The following ZNF727 variants were observed in gnomAD, a reference collection of about 807,000 sequenced individuals.
The protein encoded by ZNF727 is putative zinc finger protein 727.
Under a neutral mutation model 11.5 loss-of-function variants are expected in ZNF727, and 11 were observed. That is an observed-to-expected ratio of 0.95 (90% confidence interval 0.60 to 1.58). ZNF727 has a LOEUF of 1.58. ZNF727 is among the 40% of genes most tolerant of loss of function. ZNF727 has a pLI of 0.00. For missense variants in ZNF727, 533 were observed against 581.7 expected, an observed-to-expected ratio of 0.92 and a Z score of 0.86; for synonymous variants, 171 against 196.1, an observed-to-expected ratio of 0.87 and a Z score of 1.07.
chr7:64,056,189 T>G (rs1031999062), intron 1 of ZNF727, among the ~76,000 whole-genome samples: 1 of 152,204 alleles, frequency 6.6e-6, no homozygotes, highest in African/African-American at 2.4e-5. Flanking sequence ...AATCTTGGTA[T>G]TTGTTGAATC....
At chr7:64,062,529 G>A (rs942053648) in intron 1 of ZNF727, among the ~76,000 whole-genome samples, 4 of 151,434 alleles carry the variant, frequency 2.6e-5, no homozygotes, top group African/African-American at 9.7e-5. Context: ...AGAGTCCATG[G>A]TCAAACATAT....
chr7:64,045,632 C>G lies in ZNF727; in HGVS notation c.3+8C>G, dbSNP rs773246640. 1 of 1,559,206 alleles carries G rather than the reference C, an allele frequency of 6.4e-7. No homozygotes were observed. The highest frequency in any genetic ancestry group is 8.7e-7 in the Non-Finnish European group (1 of 1,151,200). On this transcript the variant is annotated splice_region_variant and intron_variant, in intron 1 of 3. Transcript: ENST00000456806. ...TCCGGAGGCTGGGAAATGGTGAGTG[C>G]GCGGAGTGGGTGTCCCGAGAAGGGG...
Position 64,081,973 on chromosome 7 carries a change from G to A in ZNF727, c.*3424G>A, listed in dbSNP as rs1785800812. Among the ~76,000 whole-genome samples the A allele has an allele frequency of 6.6e-6, 1 of 152,046 alleles. No individual in the cohort carries two copies. The highest frequency in any genetic ancestry group is 1.5e-5 in the Non-Finnish European group (1 of 68,020). The stretch of plus-strand genomic sequence containing the variant: ...CTCAGTGCAGTCCGACCAGGATGGA[G>A]GATCTGTGCTTTTGGCCAAATTAGG... On this transcript the variant is annotated 3_prime_UTR_variant, in exon 4 of 4. Coordinates refer to ENST00000456806, the MANE Select transcript of ZNF727 (RefSeq NM_001159522.3).
chr7:64,075,781 T>C (rs1174881288), intron 3 of ZNF727, among the ~76,000 whole-genome samples: 2 of 152,148 alleles, frequency 1.3e-5, no homozygotes, highest in Non-Finnish European at 2.9e-5. Context: ...TATGGGGTAC[T>C]GTGCCGTCTA....
intron 3 of ZNF727, among the ~76,000 whole-genome samples, chr7:64,072,108 T>C (rs909111263): frequency 6.6e-6 from 1 of 152,188 alleles, no homozygotes; most frequent in African/African-American, 2.4e-5. Flanking sequence ...AATTTTCTAT[T>C]ACTTCGAAAA....
At chr7:64,062,606 A>T (rs1182977496) in intron 1 of ZNF727, among the ~76,000 whole-genome samples, 1 of 147,592 alleles carries the variant, frequency 6.8e-6, no homozygotes, top group Non-Finnish European at 1.5e-5. Context: ...TTGACCTTTG[A>T]AAGTTTTATT....
chr7:64,073,781 C>T (rs1790000181), intron 3 of ZNF727, among the ~76,000 whole-genome samples: 1 of 152,054 alleles, frequency 6.6e-6, no homozygotes. Context: ...AGAGACTTTT[C>T]CTCATTTTCT....
chr7:64,069,717 T>C, intron 3 of ZNF727, 108 bp downstream of exon 3: 2 of 876,910 alleles, frequency 2.3e-6, no homozygotes, highest in Non-Finnish European at 3.5e-6. Context: ...GTGGAAATCG[T>C]TTCTGAGAAG....
chr7:64,051,244 C>T (rs1215263250), intron 1 of ZNF727, among the ~76,000 whole-genome samples: 2 of 152,042 alleles, frequency 1.3e-5, no homozygotes, highest in Non-Finnish European at 2.9e-5. Context: ...ATTCATGAGG[C>T]CAAATCCAAG....
rs113182730 is a variant in ZNF727 at position 64,082,213 on chromosome 7, C to G, written c.*3664C>G. On this transcript the variant is annotated 3_prime_UTR_variant, in exon 4 of 4. Coordinates refer to ENST00000456806, the MANE Select transcript of ZNF727 (RefSeq NM_001159522.3). ...CTTGGAGGCTCTGTCTAGGGAGTTG[C>G]GAAGTTGCTACTGGCTCAATAGCTC... 0.027 allele frequency among the ~76,000 whole-genome samples: 4,151 copies of G among 152,222 alleles called. 76 individuals carry two copies. Among genetic ancestry groups the G allele is most frequent in the Admixed American group, 0.055 (836 of 15,290 alleles).
rs950157067 is a variant in ZNF727 at position 64,050,665 on chromosome 7, G to C, written c.3+5041G>C. Among the ~76,000 whole-genome samples, 10 of 152,238 alleles carry C rather than the reference G, an allele frequency of 6.6e-5. 1 individual carries two copies. The South Asian group carries it at 8.3e-4, about 13-fold the overall frequency. On this transcript the variant is annotated intron_variant, in intron 1 of 3. Coordinates refer to ENST00000456806, the MANE Select transcript of ZNF727 (RefSeq NM_001159522.3). ...CAGCAAGAGAAGAAACAGGCACATA[G>C]AGATACCAGTTTAGGGAGAGAGAAA... is the stretch of plus-strand genomic sequence containing the variant.
At chr7:64,071,062 GA>G (rs1348575861) in intron 3 of ZNF727, among the ~76,000 whole-genome samples, 2 of 151,710 alleles carry the variant, frequency 1.3e-5, no homozygotes, top group Non-Finnish European at 2.9e-5. Context: ...TGACAATTGT[GA>G]AAAATGCTTC....
chr7:64,069,508 A>C lies in ZNF727; in HGVS notation c.131-6A>C. 1 of 1,550,142 alleles carries C rather than the reference A, an allele frequency of 6.5e-7. No homozygotes were observed. The highest frequency in any genetic ancestry group is 8.7e-7 in the Non-Finnish European group (1 of 1,145,038). Reference sequence around the variant, plus strand: ...AGAGTCATGTTATTTTTTTCTAATAAAACAGGTCTTGCTATCTTTAAGCCA... The same window carrying C: ...AGAGTCATGTTATTTTTTTCTAATACAACAGGTCTTGCTATCTTTAAGCCA... On this transcript the variant is annotated splice_polypyrimidine_tract_variant and splice_region_variant and intron_variant, in intron 2 of 3. Transcript: ENST00000456806.
At position 64,080,895 on chromosome 7, in the gene ZNF727, T is replaced by TTTGTTTTTG. The variant is rs538620987; in HGVS notation, c.*2348_*2349insGTTTTTGTT. Among the ~76,000 whole-genome samples, 3,747 of 151,900 alleles carry TTTGTTTTTG rather than the reference T, an allele frequency of 0.025. 173 individuals carry two copies. Among genetic ancestry groups the TTTGTTTTTG allele is most frequent in the East Asian group, 0.17 (898 of 5,134 alleles). On this transcript the variant is annotated 3_prime_UTR_variant, in exon 4 of 4. Coordinates refer to ENST00000456806, the MANE Select transcript of ZNF727 (RefSeq NM_001159522.3). ...TTGTTTTTTGTTTTTTGTTTTTGTT[T>TTTGTTTTTG]TTTTTTTTGTGGTGGTGGAGGGGGC...
intron 1 of ZNF727, among the ~76,000 whole-genome samples, chr7:64,066,621 CCCTTCCTT>C (rs1257606015): frequency 6.6e-6 from 1 of 152,032 alleles, no homozygotes; most frequent in Non-Finnish European, 1.5e-5. Context: ...GAAACTGGAC[CCCTTCCTT>C]ACACCTTACA....
At chr7:64,048,189 TA>T (rs967739050) in intron 1 of ZNF727, among the ~76,000 whole-genome samples, 3 of 152,046 alleles carry the variant, frequency 2.0e-5, no homozygotes, top group Admixed American at 2.0e-4. Flanking sequence ...CTTGAAAGAT[TA>T]AAAAAAACCA....
chr7:64,079,305 C>G lies in ZNF727; in HGVS notation c.*756C>G, dbSNP rs1383568835. Reference sequence around the variant, plus strand: ...TATTGTGTTCAACATCAGAGACTTACTACTGAACAAATGTAGTATAAAGGT... The same window carrying G: ...TATTGTGTTCAACATCAGAGACTTAGTACTGAACAAATGTAGTATAAAGGT... On this transcript the variant is annotated 3_prime_UTR_variant, in exon 4 of 4. Transcript: ENST00000456806. 6.6e-6 allele frequency among the ~76,000 whole-genome samples: 1 copy of G among 152,194 alleles called. No homozygotes were observed. The highest frequency in any genetic ancestry group is 1.5e-5 in the Non-Finnish European group (1 of 68,034).
intron 1 of ZNF727, among the ~76,000 whole-genome samples, chr7:64,062,416 A>G (rs1789785894): frequency 6.6e-6 from 1 of 151,566 alleles, no homozygotes; most frequent in Non-Finnish European, 1.5e-5. Context: ...TTAATGGTTG[A>G]AGGATATTTT....
At chr7:64,074,451 A>G (rs1018491763) in intron 3 of ZNF727, among the ~76,000 whole-genome samples, 2 of 152,136 alleles carry the variant, frequency 1.3e-5, no homozygotes, top group African/African-American at 4.8e-5. Context: ...GATTTGGAAA[A>G]TTTGTGCAGA....
Sources: allele counts gnomAD v4.1 joint callset (sites outside exome capture counted in the v4.1 genomes callset), GRCh38; gene constraint gnomAD v4.1.1; transcripts MANE v1.5; gene names NCBI Gene and HGNC (gene_info 2026-07-23, HGNC 2026-07-21).